IFT88: variants seen among roughly 807,000 people sequenced by gnomAD.
IFT88 encodes intraflagellar transport 88, also known as intraflagellar transport protein 88 homolog.
Under a neutral mutation model 119.5 loss-of-function variants are expected in IFT88, and 74 were observed. The ratio of observed to expected loss-of-function variants is 0.62; its 90% CI spans 0.51 to 0.75. The LOEUF is 0.75. Among genes scored for constraint, IFT88 ranks in the 30% least tolerant of loss-of-function variants. IFT88 has a pLI of 0.00. For missense variants in IFT88, 961 were observed against 977.7 expected (o/e 0.98, Z 0.23); for synonymous variants, 279 against 316.7 (o/e 0.88, Z 1.26).
chr13:20,686,727 CTA>C (rs1177681972), intron 24 of IFT88, among the ~76,000 whole-genome samples: 1 of 151,994 alleles, frequency 6.6e-6, no homozygotes, highest in African/African-American at 2.4e-5. Context: ...GTTATTTTTT[CTA>C]TCTTAAGTTT....
intron 20 of IFT88, among the ~76,000 whole-genome samples, chr13:20,645,901 T>G (rs116381257): frequency 6.6e-6 from 1 of 152,224 alleles, no homozygotes; most frequent in African/African-American, 2.4e-5. Context: ...AAATTTCTTT[T>G]GAGAATTATA....
At chr13:20,587,386 T>G (rs2039873614) in intron 3 of IFT88, among the ~76,000 whole-genome samples, 4 of 152,208 alleles carry the variant, frequency 2.6e-5, no homozygotes, top group Admixed American at 2.0e-4. Flanking sequence ...GCCTCCTGAG[T>G]AGCTGAGACT....
chr13:20,675,398 G>T (rs772609494), intron 24 of IFT88, among the ~76,000 whole-genome samples: 3 of 152,152 alleles, frequency 2.0e-5, no homozygotes, highest in Non-Finnish European at 4.4e-5. Context: ...TTTGTATACG[G>T]TATGTATCAC....
intron 14 of IFT88, among the ~76,000 whole-genome samples, chr13:20,623,601 A>C (rs753995943): frequency 6.6e-6 from 1 of 152,094 alleles, no homozygotes; most frequent in Non-Finnish European, 1.5e-5. Flanking sequence ...CAGCCTCCCA[A>C]GTAGCTGGGA....
chr13:20,591,076 T>C (rs2040583272), intron 5 of IFT88, 56 bp downstream of exon 5: 2 of 1,227,446 alleles, frequency 1.6e-6, no homozygotes, highest in Non-Finnish European at 2.4e-6. Flanking sequence ...TGGAATTTAC[T>C]ACCAAAGTTT....
In IFT88 at chr13:20,672,250, C is replaced by T. The variant is rs990619217; in HGVS notation, c.2242+1211C>T. Among the ~76,000 whole-genome samples the T allele has an allele frequency of 3.3e-5, 5 of 152,238 alleles. No individual in the cohort carries two copies. The South Asian group carries it at 6.2e-4, about 19-fold the overall frequency. On this transcript the variant is annotated intron_variant, in intron 24 of 25. Coordinates refer to ENST00000351808, the MANE Select transcript of IFT88 (RefSeq NM_006531.5). ...AGGCAGTTACAGCCATCAGTGGCAT[C>T]GGGTTCTAGCCAGGCCACTTGATTC...
In IFT88 at chr13:20,687,022, C is replaced by CAAA. The variant is rs370247448; in HGVS notation, c.2243-3658_2243-3656dup. Among the ~76,000 whole-genome samples the CAAA allele has an allele frequency of 1.8e-3, 110 of 59,772 alleles. 5 individuals are homozygous for CAAA. The highest frequency in any genetic ancestry group is 4.6e-3 in the African/African-American group (96 of 21,064). 39.2% of individuals were successfully genotyped at this position (59,772 alleles called of 152,430 possible). A position where few individuals can be genotyped will look rare whatever the true frequency, so the allele number is the denominator to read the frequency against. ...CCCAGCTTAAAAGTCACTTTCTTACCAAAAAAAAAAAAAAAAAAAAAAAAA... is the reference window on the plus strand; with the variant it reads ...CCCAGCTTAAAAGTCACTTTCTTACCAAAAAAAAAAAAAAAAAAAAAAAAAAAA... On this transcript the variant is annotated intron_variant, in intron 24 of 25. Coordinates refer to ENST00000351808, the MANE Select transcript of IFT88 (RefSeq NM_006531.5).
At chr13:20,669,458 C>G (rs995566846) in intron 23 of IFT88, among the ~76,000 whole-genome samples, 1 of 149,176 alleles carries the variant, frequency 6.7e-6, no homozygotes, top group Admixed American at 6.7e-5. Flanking sequence ...GTCCCTCTCT[C>G]TGTCGCCCAG....
intron 4 of IFT88, 64 bp downstream of exon 4, chr13:20,589,931 G>C: frequency 1.1e-6 from 1 of 926,362 alleles, no homozygotes; most frequent in Non-Finnish European, 1.7e-6. Context: ...ACTTTAGGCA[G>C]TTCTGAATAA....
intron 1 of IFT88, among the ~76,000 whole-genome samples, chr13:20,571,701 T>C (rs935413236): frequency 6.6e-6 from 1 of 152,166 alleles, no homozygotes; most frequent in Admixed American, 6.6e-5. Context: ...AAAGGAGAAG[T>C]GTCATGTAGT....
At chr13:20,590,833 C>T (rs547910506) in intron 4 of IFT88, 134 bp from the exon 5 acceptor site, 46 of 610,964 alleles carry the variant, frequency 7.5e-5, no homozygotes, top group Middle Eastern at 3.5e-4. Flanking sequence ...TTACCCTATA[C>T]GCCCAGGAGG....
intron 23 of IFT88, among the ~76,000 whole-genome samples, chr13:20,667,112 A>G (rs533989368): frequency 5.3e-4 from 80 of 152,290 alleles, no homozygotes; most frequent in African/African-American, 1.8e-3. Context: ...CGTTGAAGTG[A>G]TAAGAATCAT....
In IFT88 at chr13:20,641,324, G is replaced by A. The variant is rs142409868; in HGVS notation, c.1608G>A (p.Glu536=). ...ATGAGAAACTAAATCGGCTAGATGAGGCTTTGGACTGTTTCCTGAAACTTC... is the reference window on the plus strand; with the variant it reads ...ATGAGAAACTAAATCGGCTAGATGAAGCTTTGGACTGTTTCCTGAAACTTC... The part of the protein sequence containing the change: ...LTYEKLNRLD[E]ALDCFLKLHA... The change falls in exon 18 of 26, where the codon GAG becomes GAA. Residue 536 remains glutamate, a synonymous_variant. Transcript: ENST00000351808. The A allele has an allele frequency of 3.1e-6, 5 of 1,611,832 alleles. No homozygotes were observed. Among genetic ancestry groups the A allele is most frequent in the Non-Finnish European group, 4.2e-6 (5 of 1,178,682 alleles).
intron 24 of IFT88, among the ~76,000 whole-genome samples, chr13:20,674,842 T>C (rs2056460492): frequency 6.7e-6 from 1 of 148,906 alleles, no homozygotes; most frequent in Non-Finnish European, 1.5e-5. Flanking sequence ...GCCTCCCAAG[T>C]AGCTGGGACT....
intron 23 of IFT88, among the ~76,000 whole-genome samples, chr13:20,664,805 C>T (rs1230050657): frequency 6.6e-6 from 1 of 152,126 alleles, no homozygotes; most frequent in Non-Finnish European, 1.5e-5. Context: ...AGAGACTGGG[C>T]ACGGTGGCTC....
intron 15 of IFT88, among the ~76,000 whole-genome samples, chr13:20,630,375 C>A (rs2048016000): frequency 1.3e-5 from 2 of 152,244 alleles, no homozygotes; most frequent in South Asian, 4.1e-4. Context: ...TCTAGTTGTT[C>A]TCTGTCAAAG....
chr13:20,601,768 T>TCTG lies in IFT88; in HGVS notation c.876_877insCTG (p.Ile292_Asn293insLeu), dbSNP rs1197252262. 7 of 1,613,230 alleles carry TCTG rather than the reference T, an allele frequency of 4.3e-6. No homozygotes were observed. The Admixed American group carries it at 1.0e-4, about 23-fold the overall frequency. ...AGGCTGGTCAGTATTCAGATGCTAT[T>TCTG]AATTCATATGAGCACATAATGAGCA... On this transcript the variant is annotated inframe_insertion, in exon 12 of 26. Coordinates refer to ENST00000351808, the MANE Select transcript of IFT88 (RefSeq NM_006531.5).
chr13:20,615,988 A>C (rs1177175126), intron 14 of IFT88, 109 bp downstream of exon 14: 3 of 539,580 alleles, frequency 5.6e-6, no homozygotes, highest in Non-Finnish European at 9.3e-6. Flanking sequence ...ATGTTGATTC[A>C]TATTTATCAA....
At chr13:20,593,833 T>C (rs2041164526) in intron 7 of IFT88, among the ~76,000 whole-genome samples, 1 of 152,086 alleles carries the variant, frequency 6.6e-6, no homozygotes, top group Non-Finnish European at 1.5e-5. Flanking sequence ...GAGGATCACT[T>C]GAGCCCAGGA....
Sources: gnomAD v4.1 joint callset for allele counts (sites outside exome capture counted in the v4.1 genomes callset) on GRCh38, gnomAD v4.1.1 for gene constraint, MANE v1.5 for transcripts, NCBI Gene and HGNC (gene_info 2026-07-23, HGNC 2026-07-21) for gene names.